LRRC7: variants seen among roughly 807,000 people sequenced by gnomAD.
The protein encoded by LRRC7 is leucine rich repeat containing 7, also known as leucine-rich repeat-containing protein 7.
LRRC7 carries 23 observed loss-of-function variants against 175.7 expected under a neutral mutation model. That is an observed-to-expected ratio of 0.13 (90% CI 0.09 to 0.19). LRRC7 has a LOEUF of 0.19. LRRC7 is among the 10% of genes least tolerant of loss of function. The pLI is 1.00. For missense variants in LRRC7, 1,354 were observed against 1,904.7 expected (o/e 0.71, Z 5.38); for synonymous variants, 685 against 680.9 (o/e 1.01, Z -0.09).
At chr1:69,852,117 A>G (rs893282405) in intron 7 of LRRC7, among the ~76,000 whole-genome samples, 21 of 151,608 alleles carry the variant, frequency 1.4e-4, no homozygotes, top group African/African-American at 4.1e-4. Flanking sequence ...CAGGCAAACA[A>G]TTATTCTTTT....
At chr1:69,590,038 C>G (rs963815152) in intron 1 of LRRC7, among the ~76,000 whole-genome samples, 1 of 152,108 alleles carries the variant, frequency 6.6e-6, no homozygotes, top group African/African-American at 2.4e-5. Context: ...GCAATGAAAG[C>G]CACTGCCTCC....
At position 69,995,588 on chromosome 1, in the gene LRRC7, G is replaced by A. The variant is rs561715734; in HGVS notation, c.1004+955G>A. On this transcript the variant is annotated intron_variant, in intron 11 of 26. Transcript: ENST00000651989. ...CCCACAATGGTCCCCAGAGTGTGATGTTCCCCTTCCCGTGTCCATGTGTTC... is the reference window on the plus strand; with the variant it reads ...CCCACAATGGTCCCCAGAGTGTGATATTCCCCTTCCCGTGTCCATGTGTTC... 1.7e-3 allele frequency among the ~76,000 whole-genome samples: 241 copies of A among 138,976 alleles called. 2 individuals carry two copies. Among genetic ancestry groups the A allele is most frequent in the Middle Eastern group, 7.9e-3 (2 of 252 alleles). The allele number at this position is 138,976 out of a possible 152,430, so 91.2% of individuals were successfully genotyped here.
chr1:69,572,986 A>G (rs1002683975), intron 1 of LRRC7, among the ~76,000 whole-genome samples: 2 of 152,110 alleles, frequency 1.3e-5, no homozygotes, highest in East Asian at 3.8e-4. Flanking sequence ...TCCTATCTCA[A>G]AAAAAGTGAA....
chr1:69,760,087 A>T, intron 2 of LRRC7, 104 bp from the exon 3 acceptor site: 2 of 1,141,472 alleles, frequency 1.8e-6, no homozygotes, highest in Non-Finnish European at 1.2e-6. Flanking sequence ...AGTATTCTAG[A>T]CTGTATACCA....
chr1:70,040,330 G>T, intron 21 of LRRC7, among the ~76,000 whole-genome samples: 1 of 152,242 alleles, frequency 6.6e-6, no homozygotes, highest in South Asian at 2.1e-4. Flanking sequence ...AGCAGGGATT[G>T]AATGCCCTCC....
intron 3 of LRRC7, among the ~76,000 whole-genome samples, chr1:69,782,859 T>G (rs1303643621): frequency 1.3e-5 from 2 of 152,170 alleles, no homozygotes; most frequent in African/African-American, 4.8e-5. Context: ...CTGAAATTGG[T>G]TGCAAATGTG....
At chr1:70,097,513 T>G (rs1292979203) in intron 25 of LRRC7, among the ~76,000 whole-genome samples, 4 of 152,116 alleles carry the variant, frequency 2.6e-5, no homozygotes, top group Admixed American at 2.0e-4. Context: ...CACATTGTTC[T>G]GGTTAGTTAC....
chr1:69,693,026 G>A (rs1044751557), intron 2 of LRRC7, among the ~76,000 whole-genome samples: 20 of 151,608 alleles, frequency 1.3e-4, no homozygotes, highest in African/African-American at 4.6e-4. Flanking sequence ...TGGTTTTCAG[G>A]CTCGCAGACA....
chr1:69,655,294 A>G (rs537605364), intron 1 of LRRC7, among the ~76,000 whole-genome samples: 1 of 152,088 alleles, frequency 6.6e-6, no homozygotes, highest in Non-Finnish European at 1.5e-5. Context: ...TTCTGTAATT[A>G]TCTCTACTAC....
At chr1:69,639,826 A>T (rs1305715229) in intron 1 of LRRC7, among the ~76,000 whole-genome samples, 2 of 151,800 alleles carry the variant, frequency 1.3e-5, no homozygotes, top group African/African-American at 4.8e-5. Flanking sequence ...AATATTAAGG[A>T]TAGAAACTTT....
intron 1 of LRRC7, chr1:69,608,130 A>T (rs11209498): frequency 0.078 from 11,879 of 152,740 alleles, 555 homozygotes; most frequent in Middle Eastern, 0.11. Context: ...TCAAACTAAC[A>T]TTCCATTGTT....
At chr1:70,019,017 C>T (rs577111167) in intron 15 of LRRC7, among the ~76,000 whole-genome samples, 199 bp downstream of exon 15, 190 of 152,048 alleles carry the variant, frequency 1.2e-3, no homozygotes, top group African/African-American at 4.4e-3. Context: ...GCTTCCAAAA[C>T]AAAACTCTTC....
chr1:70,101,281 G>C (rs1664789260), intron 25 of LRRC7, among the ~76,000 whole-genome samples: 1 of 152,072 alleles, frequency 6.6e-6, no homozygotes, highest in Non-Finnish European at 1.5e-5. Flanking sequence ...TAACTCATGT[G>C]TTCTGAATTG....
chr1:70,030,756 G>GA (rs1343673688), intron 18 of LRRC7, among the ~76,000 whole-genome samples: 4 of 152,086 alleles, frequency 2.6e-5, no homozygotes, highest in Non-Finnish European at 5.9e-5. Context: ...GTGGAAAACG[G>GA]AAAAAATAAA....
intron 8 of LRRC7, among the ~76,000 whole-genome samples, chr1:69,933,383 T>A (rs7536845): frequency 0.46 from 69,849 of 151,900 alleles, 16,988 homozygotes; most frequent in East Asian, 0.7. Flanking sequence ...AGGTAGAGAG[T>A]TTAGTGGGGG....
intron 25 of LRRC7, among the ~76,000 whole-genome samples, chr1:70,093,980 T>C (rs1664213128): frequency 6.6e-6 from 1 of 152,222 alleles, no homozygotes; most frequent in Non-Finnish European, 1.5e-5. Context: ...GAATTTTTAA[T>C]GATGCATTCA....
chr1:69,680,951 TTCTG>T (rs931011037), intron 2 of LRRC7, among the ~76,000 whole-genome samples: 1 of 152,084 alleles, frequency 6.6e-6, no homozygotes, highest in Non-Finnish European at 1.5e-5. Flanking sequence ...TCTTCTCTTT[TTCTG>T]TCTCTTTCTT....
chr1:69,923,152 A>AT (rs537232147), intron 7 of LRRC7, among the ~76,000 whole-genome samples: 1 of 152,154 alleles, frequency 6.6e-6, no homozygotes, highest in Admixed American at 6.5e-5. Flanking sequence ...TGAACTCTTC[A>AT]TTTTTTATGG....
At chr1:69,909,785 T>G (rs1646462690) in intron 7 of LRRC7, among the ~76,000 whole-genome samples, 1 of 152,130 alleles carries the variant, frequency 6.6e-6, no homozygotes, top group Admixed American at 6.5e-5. Context: ...CTTTGTGGTG[T>G]TCTCTGTATT....
Sources: allele counts gnomAD v4.1 joint callset (sites outside exome capture counted in the v4.1 genomes callset), GRCh38; gene constraint gnomAD v4.1.1; transcripts MANE v1.5; gene names NCBI Gene and HGNC (gene_info 2026-07-23, HGNC 2026-07-21).